The following XYLT1 variants were observed in gnomAD, a reference collection of about 807,000 sequenced individuals.
The protein encoded by XYLT1 is beta-D-xylosyltransferase 1.
Under a neutral mutation model 91.3 loss-of-function variants are expected in XYLT1, and 36 were observed. The observed-to-expected ratio is 0.39, with a 90% CI of 0.30 to 0.52. The LOEUF (loss-of-function observed/expected upper bound fraction) is 0.52, where lower values mean the gene tolerates loss of function less well. XYLT1 is among the 20% of genes least tolerant of loss of function. The probability of loss-of-function intolerance (pLI) is 0.68; values close to 1 mark genes in which losing one functional copy is unlikely to be tolerated. For missense variants in XYLT1, 1,242 were observed against 1,284.5 expected, an observed-to-expected ratio of 0.97 and a Z score of 0.51; for synonymous variants, 588 against 532.0, an observed-to-expected ratio of 1.11 and a Z score of -1.45.
At chr16:17,372,757 G>A (rs1231097518) in intron 1 of XYLT1, among the ~76,000 whole-genome samples, 1 of 152,118 alleles carries the variant, frequency 6.6e-6, no homozygotes, top group Admixed American at 6.5e-5. Flanking sequence ...GTTTGAACTT[G>A]AGCAAATTAC....
intron 2 of XYLT1, among the ~76,000 whole-genome samples, chr16:17,326,855 C>G (rs766989424): frequency 1.1e-4 from 17 of 151,518 alleles, no homozygotes; most frequent in Non-Finnish European, 2.1e-4. Flanking sequence ...AAAACAAAAA[C>G]ACAACAAAAA....
At chr16:17,422,459 A>G (rs2036261629) in intron 1 of XYLT1, among the ~76,000 whole-genome samples, 2 of 152,076 alleles carry the variant, frequency 1.3e-5, no homozygotes, top group Admixed American at 1.3e-4. Context: ...TTGGTCTCTC[A>G]AAGTGCTAGG....
chr16:17,126,864 C>T (rs921971622), intron 10 of XYLT1, among the ~76,000 whole-genome samples: 5 of 152,218 alleles, frequency 3.3e-5, no homozygotes, highest in African/African-American at 1.2e-4. Flanking sequence ...ACAAAGACTA[C>T]ATACTGTCTG....
At chr16:17,400,601 AAGAG>A (rs1214295339) in intron 1 of XYLT1, among the ~76,000 whole-genome samples, 4 of 140,634 alleles carry the variant, frequency 2.8e-5, no homozygotes, top group Admixed American at 1.4e-4. Context: ...AAAAAAAAGA[AAGAG>A]AGGGAGGGAG....
intron 1 of XYLT1, among the ~76,000 whole-genome samples, chr16:17,391,648 C>T (rs373067721): frequency 5.0e-4 from 76 of 152,274 alleles, no homozygotes; most frequent in African/African-American, 1.7e-3. Flanking sequence ...TCCCTTTACT[C>T]CCAGGGTCCT....
intron 3 of XYLT1, among the ~76,000 whole-genome samples, chr16:17,206,984 T>C (rs1338134828): frequency 2.0e-5 from 3 of 151,932 alleles, no homozygotes; most frequent in Non-Finnish European, 4.4e-5. Flanking sequence ...TCTAACCCGA[T>C]CCAGGAGTTA....
chr16:17,131,792 T>TA, intron 9 of XYLT1, among the ~76,000 whole-genome samples: 1 of 152,342 alleles, frequency 6.6e-6, no homozygotes, highest in Middle Eastern at 3.4e-3. Flanking sequence ...ATGAGACTGT[T>TA]AAAGTTTTCA....
intron 3 of XYLT1, among the ~76,000 whole-genome samples, chr16:17,225,326 T>G (rs942462114): frequency 2.0e-5 from 3 of 152,126 alleles, no homozygotes; most frequent in Non-Finnish European, 2.9e-5. Context: ...ACTCCATAAT[T>G]TGCAGGGCTC....
intron 3 of XYLT1, among the ~76,000 whole-genome samples, chr16:17,203,920 T>C (rs1311976665): frequency 1.3e-5 from 2 of 152,244 alleles, no homozygotes; most frequent in Non-Finnish European, 2.9e-5. Flanking sequence ...TTAATGAATG[T>C]GTTCTGAAGA....
At position 17,339,392 on chromosome 16, in the gene XYLT1, T is replaced by C. The variant is rs73523029; in HGVS notation, c.402+18620A>G. The stretch of plus-strand genomic sequence containing the variant: ...AAATTGCAGATATTTTCATGTCACA[T>C]TGCTTTGGTGGCAGATGTCTCCAAA... On this transcript the variant is annotated intron_variant, in intron 2 of 11. Coordinates refer to ENST00000261381, the MANE Select transcript of XYLT1 (RefSeq NM_022166.4). 9.3e-3 allele frequency among the ~76,000 whole-genome samples: 1,410 copies of C among 152,348 alleles called. 22 individuals carry two copies. Among genetic ancestry groups the C allele is most frequent in the African/African-American group, 0.033 (1,353 of 41,576 alleles).
intron 3 of XYLT1, among the ~76,000 whole-genome samples, chr16:17,231,915 T>C (rs910107323): frequency 6.6e-6 from 1 of 151,706 alleles, no homozygotes; most frequent in Non-Finnish European, 1.5e-5. Context: ...GTAGACTTTA[T>C]AAACACTGTA....
intron 2 of XYLT1, among the ~76,000 whole-genome samples, chr16:17,337,942 A>G (rs1596489651): frequency 6.6e-6 from 1 of 151,716 alleles, no homozygotes; most frequent in Non-Finnish European, 1.5e-5. Context: ...ACGTCCGGCT[A>G]ATTTTTGTAT....
At position 17,312,003 on chromosome 16, in the gene XYLT1, A is replaced by G. The variant is rs578058430; in HGVS notation, c.402+46009T>C. Among the ~76,000 whole-genome samples the G allele has an allele frequency of 2.6e-5, 4 of 152,262 alleles. No homozygotes were observed. The highest frequency in any genetic ancestry group is 5.9e-5 in the Non-Finnish European group (4 of 68,002). On this transcript the variant is annotated intron_variant, in intron 2 of 11. Transcript: ENST00000261381. This position sits in a 1 kb window ranked among gnomAD's most constrained non-coding sequence, Gnocchi z 4.4. ...GAGGGAGGGAATTATAGGAGCTACAATTCAAGATGAGATTTGGGTGGGGAC... is the reference window on the plus strand; with the variant it reads ...GAGGGAGGGAATTATAGGAGCTACAGTTCAAGATGAGATTTGGGTGGGGAC...
At chr16:17,242,900 C>T (rs545144045) in intron 3 of XYLT1, among the ~76,000 whole-genome samples, 37 of 152,300 alleles carry the variant, frequency 2.4e-4, no homozygotes, top group East Asian at 7.7e-4. Context: ...TTTCACTTAG[C>T]GTGAAGTCCC....
intron 4 of XYLT1, 82 bp from the exon 5 acceptor site, chr16:17,198,496 G>A: frequency 7.1e-7 from 1 of 1,408,864 alleles, no homozygotes; most frequent in East Asian, 2.5e-5. Flanking sequence ...TCCCCTCTCT[G>A]TGTCTTCCCT....
intron 2 of XYLT1, among the ~76,000 whole-genome samples, chr16:17,357,519 G>A (rs13332518): frequency 0.038 from 5,841 of 152,152 alleles, 363 homozygotes; most frequent in African/African-American, 0.13. Flanking sequence ...CTCCCCACAC[G>A]GAAATGCCAC....
intron 3 of XYLT1, among the ~76,000 whole-genome samples, chr16:17,219,692 A>G (rs1456110164): frequency 2.0e-5 from 3 of 152,024 alleles, no homozygotes; most frequent in Non-Finnish European, 4.4e-5. Flanking sequence ...CCCAGGCTGG[A>G]GTGCAGTGGT....
rs983962787 is a variant in XYLT1 at position 17,169,370 on chromosome 16, C to G, written c.1290-10461G>C. ...TTTTGTACTGACAAAAATGATGTGG[C>G]ATTAAAACACACTCATTGTATTTGA... On this transcript the variant is annotated intron_variant, in intron 5 of 11. Transcript: ENST00000261381. Among the ~76,000 whole-genome samples, 41 of 152,206 alleles carry G rather than the reference C, an allele frequency of 2.7e-4. 1 individual carries two copies. Among genetic ancestry groups the G allele is most frequent in the Admixed American group, 2.7e-3 (41 of 15,278 alleles).
chr16:17,118,636 C>T (rs1327974498), intron 10 of XYLT1, among the ~76,000 whole-genome samples: 4 of 152,072 alleles, frequency 2.6e-5, no homozygotes, highest in Non-Finnish European at 5.9e-5. Flanking sequence ...GCAGCTGTGA[C>T]CCACAGCAAT....
Sources: allele counts gnomAD v4.1 joint callset (sites outside exome capture counted in the v4.1 genomes callset), GRCh38; gene constraint gnomAD v4.1.1; non-coding constraint Gnocchi (gnomAD v3.1); transcripts MANE v1.5; gene names NCBI Gene and HGNC (gene_info 2026-07-23, HGNC 2026-07-21).